Variants in USP25 observed in about 807,000 individuals in gnomAD.
USP25 encodes the protein ubiquitin specific peptidase 25.
USP25 carries 85 observed loss-of-function variants against 158.5 expected under a neutral mutation model. The ratio of observed to expected loss-of-function variants is 0.54; its 90% CI spans 0.45 to 0.64. The LOEUF is 0.64. Ranked by LOEUF, USP25 falls within the 30% of genes least tolerant of loss-of-function variation. The pLI is 0.00. For missense variants in USP25, 1,242 were observed against 1,327.3 expected (o/e 0.94, Z 1.00); for synonymous variants, 464 against 460.4 (o/e 1.01, Z -0.10).
At position 15,826,212 on chromosome 21, in the gene USP25, G is replaced by T; in HGVS notation, c.1313G>T (p.Ser438Ile). The T allele has an allele frequency of 1.2e-6, 2 of 1,613,782 alleles. No homozygotes were observed. Among genetic ancestry groups the T allele is most frequent in the Non-Finnish European group, 1.7e-6 (2 of 1,179,826 alleles). The change falls in exon 13 of 26, where the codon AGC becomes ATC. Residue 438 changes from serine (S) to isoleucine (I), a missense_variant. This residue lies in a region of USP25 where 627 missense variants were observed against 701.4 expected (regional missense o/e 0.89). Coordinates refer to ENST00000400183, the MANE Select transcript of USP25 (RefSeq NM_001283041.3). This position sits in a 1 kb window ranked among gnomAD's most constrained non-coding sequence, Gnocchi z 4.8. ...VLQQRLERYL[S>I]YGSGPKRFPL... is the part of the protein sequence containing the mutation. ...CATTTTATGATTAACAGATATTTAA[G>T]CTATGGTTCCGGTCCCAAACGATTC...
intron 8 of USP25, 49 bp downstream of exon 8, chr21:15,808,934 A>C: frequency 2.3e-6 from 3 of 1,296,814 alleles, no homozygotes; most frequent in Non-Finnish European, 3.3e-6. Context: ...TTCATTAGAT[A>C]GCATGTATTA....
intron 4 of USP25, among the ~76,000 whole-genome samples, chr21:15,780,352 A>G (rs1428061510): frequency 2.0e-5 from 3 of 152,176 alleles, no homozygotes; most frequent in Non-Finnish European, 4.4e-5. Context: ...ATTTCTTTAT[A>G]CACTTTTTAG....
intron 9 of USP25, among the ~76,000 whole-genome samples, chr21:15,814,031 T>C (rs968090758): frequency 6.6e-6 from 1 of 151,400 alleles, no homozygotes; most frequent in African/African-American, 2.4e-5. Flanking sequence ...CGTGCTATTC[T>C]TATGATAATG....
chr21:15,753,543 A>G lies in USP25; in HGVS notation c.46-9348A>G, dbSNP rs77936284. Among the ~76,000 whole-genome samples the G allele has an allele frequency of 2.0e-5, 3 of 152,230 alleles. No homozygotes were observed. The East Asian group carries it at 5.8e-4, about 29-fold the overall frequency. ...ACCTTCAAGTGAGATTGACAGGACCAGAACTGGGAAATTCTAGATGGAATG... is the reference window on the plus strand; with the variant it reads ...ACCTTCAAGTGAGATTGACAGGACCGGAACTGGGAAATTCTAGATGGAATG... On this transcript the variant is annotated intron_variant, in intron 1 of 25. Transcript: ENST00000400183.
At chr21:15,765,839 T>C (rs1187273471) in intron 2 of USP25, among the ~76,000 whole-genome samples, 158 bp from the exon 3 acceptor site, 1 of 152,102 alleles carries the variant, frequency 6.6e-6, no homozygotes, top group Non-Finnish European at 1.5e-5. Flanking sequence ...GTATACTTTA[T>C]GTATGATGCA....
intron 1 of USP25, among the ~76,000 whole-genome samples, chr21:15,740,694 G>A (rs1345682109): frequency 1.2e-5 from 1 of 82,734 alleles, no homozygotes; most frequent in Non-Finnish European, 2.3e-5. Flanking sequence ...GTGTGTATTT[G>A]TGTATGAATA....
chr21:15,768,394 T>C (rs2034160932), intron 3 of USP25, among the ~76,000 whole-genome samples: 1 of 152,062 alleles, frequency 6.6e-6, no homozygotes, highest in Admixed American at 6.6e-5. Context: ...ACTTTTCCAT[T>C]AAACATTCCT....
chr21:15,765,020 C>G (rs79116136), intron 2 of USP25, among the ~76,000 whole-genome samples: 11,556 of 152,084 alleles, frequency 0.076, 492 homozygotes, highest in East Asian at 0.091. Context: ...TTTCTCTCCT[C>G]TAGTCTATTC....
In USP25 at chr21:15,878,489, C is replaced by G. The variant is rs781653769; in HGVS notation, c.*14C>G. The G allele has an allele frequency of 4.3e-6, 7 of 1,613,338 alleles. No individual in the cohort carries two copies. The African/African-American group carries it at 9.3e-5, about 22-fold the overall frequency. On this transcript the variant is annotated 3_prime_UTR_variant, in exon 26 of 26. Transcript: ENST00000400183. ...GATGGAAGATAAACTGCACACTTTCCCTGAACACACTGTATAAACTCTTTT... is the reference window on the plus strand; with the variant it reads ...GATGGAAGATAAACTGCACACTTTCGCTGAACACACTGTATAAACTCTTTT...
intron 3 of USP25, among the ~76,000 whole-genome samples, chr21:15,772,000 A>G (rs887077579): frequency 6.6e-6 from 1 of 151,658 alleles, no homozygotes; most frequent in African/African-American, 2.4e-5. Context: ...AAATATTTAC[A>G]TATATAATAG....
rs149296974 is a variant in USP25, at chr21:15,827,155, G to C, written c.1645G>C (p.Glu549Gln). The C allele has an allele frequency of 5.0e-6, 8 of 1,614,062 alleles. No homozygotes were observed. Among genetic ancestry groups the C allele is most frequent in the African/African-American group, 2.7e-5 (2 of 74,928 alleles). ...AACGGAGGAAGAACTTTCTGTGCTG[G>C]AAAGTTGTTTACATCGCTGGAGGAC... ...HITEEELSVL[E>Q]SCLHRWRTEI... Residue 549 changes from glutamate to glutamine, a missense_variant, in exon 14 of 26, where the codon GAA becomes CAA. Physicochemically the swap from Glu to Gln is conservative, Grantham distance 29 (BLOSUM62 2). Around this residue, in one of 3 missense-constraint regions of USP25, gnomAD observed 627 missense variants for 701.4 expected, o/e 0.89. Coordinates refer to ENST00000400183, the MANE Select transcript of USP25 (RefSeq NM_001283041.3).
At chr21:15,801,178 G>C (rs1490988692) in intron 6 of USP25, among the ~76,000 whole-genome samples, 1 of 151,506 alleles carries the variant, frequency 6.6e-6, no homozygotes, top group Non-Finnish European at 1.5e-5. Context: ...TATGCATCTT[G>C]ACCATTTATG....
chr21:15,847,709 T>C lies in USP25; in HGVS notation c.2384T>C (p.Val795Ala), dbSNP rs1464010183. ...CAACCACTTTCTAATCAGCGAGTTG[T>C]AGAGGTGGCGATCCCTCATGTAGGG... The part of the protein sequence containing the change: ...TSQPLSNQRV[V>A]EVAIPHVGKF... Residue 795 changes from valine (V) to alanine (A), a missense_variant, in exon 19 of 26, where the codon GTA becomes GCA. Physicochemically the swap from Val to Ala is moderately conservative, Grantham distance 64 (BLOSUM62 0). Coordinates refer to ENST00000400183, the MANE Select transcript of USP25 (RefSeq NM_001283041.3). The C allele has an allele frequency of 1.3e-6, 2 of 1,550,190 alleles. No homozygotes were observed. Among genetic ancestry groups the C allele is most frequent in the Non-Finnish European group, 1.7e-6 (2 of 1,146,678 alleles).
intron 23 of USP25, among the ~76,000 whole-genome samples, chr21:15,871,272 T>TA (rs1409527873): frequency 6.6e-6 from 1 of 152,242 alleles, no homozygotes; most frequent in African/African-American, 2.4e-5. Context: ...GTAGAAAACT[T>TA]ACTTTGATCA....
At chr21:15,752,914 A>G (rs2033126586) in intron 1 of USP25, among the ~76,000 whole-genome samples, 1 of 152,270 alleles carries the variant, frequency 6.6e-6, no homozygotes, top group Admixed American at 6.5e-5. Flanking sequence ...GATATGCAGC[A>G]TACCTGAACC....
rs2040014443 is a variant in USP25 at position 15,874,341 on chromosome 21, A to G, written c.2886-62A>G. The G allele has an allele frequency of 2.1e-6, 3 of 1,399,766 alleles. No individual in the cohort carries two copies. In the South Asian group the frequency reaches 3.9e-5, roughly 18 times the overall value. The allele number at this position is 1,399,766 out of a possible 1,614,324, so 86.7% of individuals were successfully genotyped here. A position where few individuals can be genotyped will look rare whatever the true frequency, so the allele number is the denominator to read the frequency against. On this transcript the variant is annotated intron_variant, in intron 23 of 25. Transcript: ENST00000400183. ...TATACTTAAAATGTTTCATAATTAT[A>G]GCTGACTTTGTTTCTACAAAGGTGA...
In USP25 at chr21:15,826,450, A is replaced by T; in HGVS notation, c.1466+85A>T. 1 of 1,480,838 alleles carries T rather than the reference A, an allele frequency of 6.8e-7. No homozygotes were observed. Among genetic ancestry groups the T allele is most frequent in the Non-Finnish European group, 9.3e-7 (1 of 1,079,852 alleles). 91.7% of individuals were successfully genotyped at this position (1,480,838 alleles called of 1,614,324 possible). ...GCTGCCTTTAAAGACAGTTTCTATA[A>T]AATGTATGCTTTGATTTACTTCAGT... On this transcript the variant is annotated intron_variant, in intron 13 of 25. Coordinates refer to ENST00000400183, the MANE Select transcript of USP25 (RefSeq NM_001283041.3). The surrounding 1 kb of genome is among the most constrained non-coding windows in gnomAD (Gnocchi z 4.8).
intron 5 of USP25, among the ~76,000 whole-genome samples, chr21:15,792,671 A>G (rs564829328): frequency 2.0e-5 from 3 of 151,718 alleles, no homozygotes; most frequent in Non-Finnish European, 3.0e-5. Context: ...GTTTTTGCTA[A>G]CTTGTAATTT....
intron 23 of USP25, among the ~76,000 whole-genome samples, chr21:15,872,014 GTTTTTT>G (rs1158862222): frequency 2.8e-3 from 200 of 71,650 alleles, no homozygotes; most frequent in Admixed American, 5.3e-3. Context: ...AAGAAATACT[GTTTTTT>G]TTTTTTTTTT....
Sources: allele counts gnomAD v4.1 joint callset (sites outside exome capture counted in the v4.1 genomes callset), GRCh38; gene constraint gnomAD v4.1.1; regional missense constraint gnomAD v4.1.1; non-coding constraint Gnocchi (gnomAD v3.1); transcripts MANE v1.5; gene names NCBI Gene and HGNC (gene_info 2026-07-23, HGNC 2026-07-21).